The following PAK3 variants were observed in gnomAD, a reference collection of about 807,000 sequenced individuals.
PAK3 encodes the protein p21 (RAC1) activated kinase 3.
Under a neutral mutation model 41.0 loss-of-function variants are expected in PAK3, and 4 were observed. The observed-to-expected ratio is 0.10, with a 90% CI of 0.05 to 0.22. The LOEUF is 0.22. Ranked by LOEUF, PAK3 falls within the 10% of genes least tolerant of loss-of-function variation. PAK3 has a pLI of 1.00. For synonymous variants in PAK3, 146 were observed against 139.6 expected (o/e 1.05, Z -0.32); for missense variants, 205 against 409.9 (o/e 0.50, Z 4.32).
At position 111,140,306 on chromosome X, in the gene PAK3, C is replaced by A. The variant is rs929316724; in HGVS notation, c.176-1790C>A. Among the ~76,000 whole-genome samples, 3 of 111,409 alleles carry A rather than the reference C, an allele frequency of 2.7e-5. No individual in the cohort carries two copies. The Admixed American group carries it at 2.9e-4, about 11-fold the overall frequency. ...ATGACAATCAAAGAAAGAAAGGTCA[C>A]TGAGAAAGGAGGAATGCCAGGCCAC... On this transcript the variant is annotated intron_variant, in intron 5 of 17. Coordinates refer to ENST00000372007, the MANE Select transcript of PAK3 (RefSeq NM_002578.5).
chrX:111,084,052 A>G (rs1247535588), intron 1 of PAK3, among the ~76,000 whole-genome samples: 1 of 112,930 alleles, frequency 8.9e-6, no homozygotes, highest in African/African-American at 3.2e-5. Context: ...TTTTGATTGC[A>G]GATGTACTCA....
chrX:111,193,797 C>A (rs1184578483), intron 13 of PAK3, among the ~76,000 whole-genome samples: 3 of 110,232 alleles, frequency 2.7e-5, no homozygotes, highest in African/African-American at 9.9e-5. Flanking sequence ...ACAAAAAAAA[C>A]AATGCATTTG....
chrX:111,061,432 A>G (rs1404949885), intron 1 of PAK3, among the ~76,000 whole-genome samples: 5 of 112,150 alleles, frequency 4.5e-5, no homozygotes, highest in Non-Finnish European at 9.4e-5. Flanking sequence ...GAAGTATCTC[A>G]TATATTTTTA....
intron 1 of PAK3, among the ~76,000 whole-genome samples, chrX:110,956,775 A>G (rs1241190985): frequency 9.0e-6 from 1 of 111,599 alleles, no homozygotes; most frequent in African/African-American, 3.3e-5. Flanking sequence ...CTCCAAGACA[A>G]CTGGTCAGAG....
intron 1 of PAK3, among the ~76,000 whole-genome samples, chrX:111,071,071 T>G (rs1475933700): frequency 8.9e-6 from 1 of 112,230 alleles, no homozygotes; most frequent in African/African-American, 3.2e-5. Flanking sequence ...TCCAACCCTT[T>G]GATGTATTAA....
At chrX:111,084,442 G>A (rs186943846) in intron 1 of PAK3, among the ~76,000 whole-genome samples, 1 of 112,766 alleles carries the variant, frequency 8.9e-6, no homozygotes, top group Non-Finnish European at 1.9e-5. Context: ...AACAAAATAA[G>A]CACAGGCTAT....
At position 111,081,886 on chromosome X, in the gene PAK3, G is replaced by C. The variant is rs763508191; in HGVS notation, c.-27-41191G>C. Reference sequence around the variant, plus strand: ...GAGTTTCTTAAAGGCAAGGAGCATGGATATAGTTCTAGCTTTGTATCTTCT... The same window carrying C: ...GAGTTTCTTAAAGGCAAGGAGCATGCATATAGTTCTAGCTTTGTATCTTCT... On this transcript the variant is annotated intron_variant, in intron 1 of 14. Coordinates refer to the PAK3 transcript ENST00000425146. Among the ~76,000 whole-genome samples the C allele has an allele frequency of 2.7e-5, 3 of 111,299 alleles. No homozygotes were observed. The East Asian group carries it at 8.5e-4, about 32-fold the overall frequency.
intron 1 of PAK3, among the ~76,000 whole-genome samples, chrX:111,070,697 A>G (rs2092736891): frequency 8.9e-6 from 1 of 112,139 alleles, no homozygotes; most frequent in Admixed American, 9.4e-5. Flanking sequence ...TCAGCTGAGA[A>G]CGATATTTCT....
intron 1 of PAK3, among the ~76,000 whole-genome samples, chrX:110,946,168 T>A (rs752343705): frequency 2.7e-5 from 3 of 111,013 alleles, no homozygotes; most frequent in South Asian, 7.8e-4. Flanking sequence ...GACATTTGAG[T>A]TGAGTCTTGA....
At position 111,121,048 on chromosome X, in the gene PAK3, G is replaced by A. The variant is rs1013813428; in HGVS notation, c.-27-2029G>A. ...TGCAAAAGATAATGCAGACACATTA[G>A]CACTGGTCTCATATTCCAGTTCAAA... is the stretch of plus-strand genomic sequence containing the variant. On this transcript the variant is annotated intron_variant, in intron 4 of 17. Transcript: ENST00000372007. 4.5e-5 allele frequency among the ~76,000 whole-genome samples: 5 copies of A among 112,012 alleles called. No individual in the cohort carries two copies. The East Asian group carries it at 1.4e-3, about 31-fold the overall frequency.
intron 1 of PAK3, among the ~76,000 whole-genome samples, chrX:110,990,281 G>C (rs757122347): frequency 3.6e-5 from 4 of 112,175 alleles, no homozygotes; most frequent in South Asian, 3.8e-4. Flanking sequence ...ATATGTATAA[G>C]AGCACCTTGG....
chrX:111,172,552 G>C (rs749445802), intron 10 of PAK3, among the ~76,000 whole-genome samples: 4 of 110,783 alleles, frequency 3.6e-5, no homozygotes, highest in African/African-American at 1.3e-4. Context: ...CTTTATACTC[G>C]TGTGTATTCA....
chrX:111,180,382 C>T (rs2094451939), intron 11 of PAK3, among the ~76,000 whole-genome samples: 1 of 111,474 alleles, frequency 9.0e-6, no homozygotes, highest in African/African-American at 3.3e-5. Flanking sequence ...TATTCACATC[C>T]TTTCTTTGTA....
chrX:111,181,741 T>G (rs1413453845), intron 11 of PAK3, among the ~76,000 whole-genome samples: 1 of 109,920 alleles, frequency 9.1e-6, no homozygotes, highest in East Asian at 2.9e-4. Context: ...CTGATTTTTT[T>G]TTTTTTTTTG....
intron 3 of PAK3, among the ~76,000 whole-genome samples, chrX:111,101,852 T>G (rs961981158): frequency 8.9e-6 from 1 of 112,096 alleles, no homozygotes; most frequent in African/African-American, 3.2e-5. Context: ...GGGACAGACA[T>G]GCTCTGGAGT....
intron 1 of PAK3, among the ~76,000 whole-genome samples, chrX:110,981,542 AGTGT>A (rs3033534): frequency 2.5e-3 from 251 of 102,161 alleles, no homozygotes; most frequent in African/African-American, 5.0e-3. Flanking sequence ...GAGAAAAAAT[AGTGT>A]GTGTGTGTGT....
At chrX:111,170,594 C>A (rs1419279062) in intron 10 of PAK3, among the ~76,000 whole-genome samples, 2 of 111,452 alleles carry the variant, frequency 1.8e-5, no homozygotes, top group Non-Finnish European at 3.8e-5. Flanking sequence ...TGTTTAGTAG[C>A]AGCCACTGTT....
intron 4 of PAK3, among the ~76,000 whole-genome samples, chrX:111,106,958 G>T (rs956771473): frequency 8.9e-6 from 1 of 111,851 alleles, no homozygotes. Flanking sequence ...TCTTTTTTCA[G>T]AAATCATCTC....
chrX:111,069,749 G>T (rs2092727999), intron 1 of PAK3, among the ~76,000 whole-genome samples: 1 of 110,577 alleles, frequency 9.0e-6, no homozygotes, highest in Non-Finnish European at 1.9e-5. Context: ...TACATCCTGA[G>T]AATAGTGGGG....
Sources: allele counts gnomAD v4.1 joint callset (sites outside exome capture counted in the v4.1 genomes callset), GRCh38; gene constraint gnomAD v4.1.1; transcripts MANE v1.5; gene names NCBI Gene and HGNC (gene_info 2026-07-23, HGNC 2026-07-21).